The following PFKFB1 variants were observed in gnomAD, a reference collection of about 807,000 sequenced individuals.
PFKFB1 encodes the protein 6-phosphofructo-2-kinase/fructose-2,6-bisphosphatase 1.
Under a neutral mutation model 46.4 loss-of-function variants are expected in PFKFB1, and 34 were observed. The observed-to-expected ratio is 0.73, with a 90% CI of 0.56 to 0.98. The LOEUF is 0.98. Among genes scored for constraint, PFKFB1 ranks in the 50% least tolerant of loss-of-function variants. The pLI is 0.00. For missense variants in PFKFB1, 393 were observed against 376.3 expected (o/e 1.04, Z -0.37); for synonymous variants, 119 against 133.8 (o/e 0.89, Z 0.76).
intron 1 of PFKFB1, among the ~76,000 whole-genome samples, chrX:54,976,161 T>C (rs1443252215): frequency 8.9e-6 from 1 of 111,763 alleles, no homozygotes; most frequent in African/African-American, 3.2e-5. Context: ...TATTTACATA[T>C]TAACATTTTT....
intron 1 of PFKFB1, among the ~76,000 whole-genome samples, chrX:54,970,467 C>T (rs1341679358): frequency 1.1e-5 from 1 of 88,844 alleles, no homozygotes; most frequent in Non-Finnish European, 2.2e-5. Flanking sequence ...GGTATATCTC[C>T]TAATGCTATC....
upstream of PFKFB1, among the ~76,000 whole-genome samples, chrX:54,996,020 A>G (rs1028238078): frequency 8.9e-6 from 1 of 112,097 alleles, no homozygotes; most frequent in African/African-American, 3.2e-5. Flanking sequence ...ATATTTTCCT[A>G]AGGTCATGTA....
chrX:54,952,764 G>C (rs896030134), intron 7 of PFKFB1, among the ~76,000 whole-genome samples: 1 of 110,330 alleles, frequency 9.1e-6, no homozygotes, highest in East Asian at 2.8e-4. Context: ...TTGGCATGGA[G>C]ACCCACTGTC....
At chrX:54,945,006 C>T (rs1933757299) in intron 10 of PFKFB1, among the ~76,000 whole-genome samples, 1 of 111,940 alleles carries the variant, frequency 8.9e-6, no homozygotes. Context: ...TGGTCTGGTT[C>T]ATGTAGTGGC....
intron 6 of PFKFB1, 139 bp from the exon 7 acceptor site, chrX:54,956,413 G>T (rs765568112): frequency 1.3e-6 from 1 of 749,572 alleles, no homozygotes; most frequent in Admixed American, 3.8e-5. Flanking sequence ...AACACATCTT[G>T]CCCAAGTTTA....
chrX:54,963,516 T>G, intron 1 of PFKFB1, 134 bp from the exon 2 acceptor site: 4 of 622,180 alleles, frequency 6.4e-6, no homozygotes, highest in Non-Finnish European at 9.6e-6. Flanking sequence ...AAGTGAAAAT[T>G]AAGAACTTCT....
intron 1 of PFKFB1, among the ~76,000 whole-genome samples, chrX:54,981,901 G>A (rs1640577829): frequency 1.8e-5 from 2 of 111,343 alleles, no homozygotes. Context: ...GAAGAGTCAG[G>A]CACTTTCAGA....
intron 8 of PFKFB1, among the ~76,000 whole-genome samples, chrX:54,951,631 C>T (rs143119363): frequency 0.01 from 1,138 of 112,533 alleles, 3 homozygotes; most frequent in Non-Finnish European, 0.017. Context: ...CAGGCAGGGC[C>T]AAGGGAGTCA....
intron 10 of PFKFB1, among the ~76,000 whole-genome samples, chrX:54,938,315 A>T (rs1241984742): frequency 2.7e-5 from 3 of 112,409 alleles, no homozygotes; most frequent in Non-Finnish European, 3.8e-5. Context: ...AAAAGAAACA[A>T]CAAGAAAATG....
Position 54,981,484 on chromosome X carries a change from G to A in PFKFB1, c.97+12427C>T, listed in dbSNP as rs1302056790. 3.6e-5 allele frequency among the ~76,000 whole-genome samples: 4 copies of A among 111,152 alleles called. No homozygotes were observed. In the East Asian group the frequency reaches 1.1e-3, roughly 31 times the overall value. On this transcript the variant is annotated intron_variant, in intron 1 of 13. Coordinates refer to ENST00000375006, the MANE Select transcript of PFKFB1 (RefSeq NM_002625.4). ...CCCAGAATTGTATACTCAGAAATAA[G>A]TCTCTTCAAGAATGAGGATGCCATA...
intron 10 of PFKFB1, among the ~76,000 whole-genome samples, chrX:54,940,797 G>A (rs1457399614): frequency 1.8e-5 from 2 of 111,510 alleles, no homozygotes; most frequent in African/African-American, 3.3e-5. Context: ...AATCAATATC[G>A]TGAAGATGGC....
At chrX:54,991,526 C>CCT (rs369435691) in intron 1 of PFKFB1, among the ~76,000 whole-genome samples, 97 of 97,940 alleles carry the variant, frequency 9.9e-4, no homozygotes, top group African/African-American at 1.6e-3. Flanking sequence ...TCTCTCTCTC[C>CCT]CTCTCTCTCT....
chrX:54,994,593 C>G (rs13440561), upstream of PFKFB1: 243 of 752,616 alleles, frequency 3.2e-4, no homozygotes, highest in Middle Eastern at 1.5e-3. Flanking sequence ...AACACAAAGT[C>G]CCTACTGGGG....
At chrX:54,967,092 A>G (rs981341738) in intron 1 of PFKFB1, among the ~76,000 whole-genome samples, 1 of 111,859 alleles carries the variant, frequency 8.9e-6, no homozygotes, top group Non-Finnish European at 1.9e-5. Context: ...GAACCAAAAT[A>G]TATAAAAGGC....
At chrX:54,946,443 A>C (rs964624310) in intron 9 of PFKFB1, among the ~76,000 whole-genome samples, 32 of 111,605 alleles carry the variant, frequency 2.9e-4, no homozygotes, top group African/African-American at 9.8e-4. Context: ...CCTTCTGGGT[A>C]TGTGGATTCC....
At chrX:54,966,595 A>C (rs1569547027) in intron 1 of PFKFB1, among the ~76,000 whole-genome samples, 2 of 111,887 alleles carry the variant, frequency 1.8e-5, no homozygotes, top group Non-Finnish European at 3.8e-5. Context: ...CAGAAGCAAT[A>C]GTGGCCCAGA....
intron 9 of PFKFB1, 121 bp from the exon 10 acceptor site, chrX:54,945,664 G>T: frequency 2.1e-6 from 1 of 486,081 alleles, no homozygotes; most frequent in Non-Finnish European, 3.5e-6. Context: ...TGTGAACACA[G>T]CTCTGGGTTT....
intron 1 of PFKFB1, among the ~76,000 whole-genome samples, chrX:54,989,002 C>A (rs1281943971): frequency 9.0e-6 from 1 of 111,731 alleles, no homozygotes; most frequent in Non-Finnish European, 1.9e-5. Flanking sequence ...TTGTATGATT[C>A]CCCTTATATA....
At chrX:54,951,414 G>T (rs1369604421) in intron 8 of PFKFB1, among the ~76,000 whole-genome samples, 1 of 112,122 alleles carries the variant, frequency 8.9e-6, no homozygotes, top group Non-Finnish European at 1.9e-5. Context: ...CATGAGTGGG[G>T]ACAGGGGCTG....
Sources: gnomAD v4.1 joint callset for allele counts (sites outside exome capture counted in the v4.1 genomes callset) on GRCh38, gnomAD v4.1.1 for gene constraint, MANE v1.5 for transcripts, NCBI Gene and HGNC (gene_info 2026-07-23, HGNC 2026-07-21) for gene names.